The following COLEC12 variants were observed in gnomAD, a reference collection of about 807,000 sequenced individuals.
COLEC12 encodes the protein collectin subfamily member 12.
Under a neutral mutation model 71.1 loss-of-function variants are expected in COLEC12, and 33 were observed. The ratio of observed to expected loss-of-function variants is 0.46; its 90% confidence interval spans 0.35 to 0.62. The LOEUF is 0.62. COLEC12 is among the 20% of genes least tolerant of loss of function. COLEC12 has a pLI of 0.00. For missense variants in COLEC12, 765 were observed against 916.1 expected (o/e 0.84, Z 2.13); for synonymous variants, 350 against 353.0 (o/e 0.99, Z 0.10).
chr18:392,091 T>C (rs1915473909), intron 2 of COLEC12, among the ~76,000 whole-genome samples: 1 of 152,208 alleles, frequency 6.6e-6, no homozygotes, highest in Admixed American at 6.5e-5. Context: ...GGAACCAGAC[T>C]GTGCCTGTCT....
rs371424845 is a variant in COLEC12, at chr18:441,065, A to G, written c.58+39642T>C. On this transcript the variant is annotated intron_variant, in intron 2 of 9. Coordinates refer to ENST00000400256, the MANE Select transcript of COLEC12 (RefSeq NM_130386.3). ...AGATGGAGACCATCCTGGCTAACAC[A>G]GTGAAACCCTGTCTCTACTAAAAAT... Among the ~76,000 whole-genome samples the G allele has an allele frequency of 8.6e-3, 1,253 of 145,380 alleles. 6 individuals carry two copies. Among genetic ancestry groups the G allele is most frequent in the Middle Eastern group, 0.014 (4 of 294 alleles).
chr18:352,618 G>A (rs1914549314), intron 3 of COLEC12, among the ~76,000 whole-genome samples: 1 of 152,194 alleles, frequency 6.6e-6, no homozygotes, highest in Admixed American at 6.5e-5. Context: ...GGGGGTGTGT[G>A]TCTTTGTTTA....
chr18:335,941 C>A (rs1914110166), intron 5 of COLEC12, among the ~76,000 whole-genome samples: 1 of 152,222 alleles, frequency 6.6e-6, no homozygotes, highest in African/African-American at 2.4e-5. Context: ...TTCTCTTAGT[C>A]ACCTGGGCCT....
intron 2 of COLEC12, among the ~76,000 whole-genome samples, chr18:424,615 C>T (rs1916162232): frequency 6.6e-6 from 1 of 152,194 alleles, no homozygotes; most frequent in African/African-American, 2.4e-5. Context: ...TGGTGAATAG[C>T]TCACCAGAGC....
chr18:347,475 T>A, intron 4 of COLEC12, 134 bp from the exon 5 acceptor site: 2 of 684,604 alleles, frequency 2.9e-6, no homozygotes, highest in South Asian at 3.9e-5. Flanking sequence ...CGGACAGCTC[T>A]GCATTAGTAA....
At chr18:431,705 A>G (rs1329489210) in intron 2 of COLEC12, among the ~76,000 whole-genome samples, 1 of 152,226 alleles carries the variant, frequency 6.6e-6, no homozygotes, top group Non-Finnish European at 1.5e-5. Flanking sequence ...AAACTGGGCC[A>G]GTGCCTAGGA....
intron 2 of COLEC12, among the ~76,000 whole-genome samples, chr18:379,634 A>G (rs1004820928): frequency 6.6e-6 from 1 of 152,124 alleles, no homozygotes; most frequent in Non-Finnish European, 1.5e-5. Flanking sequence ...AACTGTTTCT[A>G]TTGTTCCACT....
At chr18:356,530 C>A (rs1211319517) in intron 3 of COLEC12, among the ~76,000 whole-genome samples, 1 of 152,200 alleles carries the variant, frequency 6.6e-6, no homozygotes, top group African/African-American at 2.4e-5. Flanking sequence ...AGGGAATTCA[C>A]TTGGAGTCTT....
At chr18:428,609 T>C (rs965923985) in intron 2 of COLEC12, among the ~76,000 whole-genome samples, 3 of 152,200 alleles carry the variant, frequency 2.0e-5, no homozygotes, top group Admixed American at 6.5e-5. Flanking sequence ...GAGTTCATCA[T>C]AAAAGAATTA....
Position 343,845 on chromosome 18 carries a change from G to C in COLEC12, c.1327+2450C>G, listed in dbSNP as rs185243553. 6.6e-5 allele frequency among the ~76,000 whole-genome samples: 10 copies of C among 152,322 alleles called. No individual in the cohort carries two copies. The East Asian group carries it at 7.7e-4, about 12-fold the overall frequency. On this transcript the variant is annotated intron_variant, in intron 5 of 9. Coordinates refer to ENST00000400256, the MANE Select transcript of COLEC12 (RefSeq NM_130386.3). ...ACATTGTAAGTAGCTGCTTCATAGAGCTGCTGTCAGGATTCATTGGGACGT... is the reference window on the plus strand; with the variant it reads ...ACATTGTAAGTAGCTGCTTCATAGACCTGCTGTCAGGATTCATTGGGACGT...
In COLEC12 at chr18:346,938, A is replaced by G; in HGVS notation, c.684T>C (p.Asp228=). 1 of 1,614,148 alleles carries G rather than the reference A, an allele frequency of 6.2e-7. No individual in the cohort carries two copies. The highest frequency in any genetic ancestry group is 8.5e-7 in the Non-Finnish European group (1 of 1,180,006). Reference sequence around the variant, plus strand: ...TTCGCTGGATAGCCTGGCTTGTGTCATCCACAGACCGCTGCAGATTCGTGA... The same window carrying G: ...TTCGCTGGATAGCCTGGCTTGTGTCGTCCACAGACCGCTGCAGATTCGTGA... The part of the protein sequence containing the change: ...NLITNLQRSV[D]DTSQAIQRIK... The change falls in exon 5 of 10, where the codon GAT becomes GAC. Residue 228 remains aspartate (D), a synonymous_variant. Coordinates refer to ENST00000400256, the MANE Select transcript of COLEC12 (RefSeq NM_130386.3). This position sits in a 1 kb window ranked among gnomAD's most constrained non-coding sequence, Gnocchi z 4.0.
At chr18:452,844 T>G (rs16944732) in intron 2 of COLEC12, among the ~76,000 whole-genome samples, 17,473 of 152,254 alleles carry the variant, frequency 0.11, 1,374 homozygotes, top group East Asian at 0.37. Flanking sequence ...CCACAGGTGC[T>G]TCCAAGTGGA....
chr18:451,853 C>T (rs746750017), intron 2 of COLEC12, among the ~76,000 whole-genome samples: 10 of 152,148 alleles, frequency 6.6e-5, no homozygotes, highest in Non-Finnish European at 1.5e-4. Context: ...AAAGAAAAGA[C>T]CATTTCCAGG....
intron 2 of COLEC12, among the ~76,000 whole-genome samples, chr18:389,254 ATTT>A (rs35325003): frequency 4.2e-5 from 6 of 141,830 alleles, no homozygotes; most frequent in East Asian, 2.1e-4. Context: ...CTGTGCAGCA[ATTT>A]TTTTTTTTTT....
In COLEC12 at chr18:351,577, T is replaced by A. The variant is rs7505667; in HGVS notation, c.182-3414A>T. 5.5e-3 allele frequency among the ~76,000 whole-genome samples: 845 copies of A among 152,302 alleles called. 4 individuals are homozygous for A. Among genetic ancestry groups the A allele is most frequent in the African/African-American group, 0.019 (810 of 41,570 alleles). ...TTTATTATGTCATTTATTTATTTAA[T>A]TTTTTATTAGACGGAGTTTCACTCT... On this transcript the variant is annotated intron_variant, in intron 3 of 9. Transcript: ENST00000400256.
intron 4 of COLEC12, 100 bp from the exon 5 acceptor site, chr18:347,441 T>G (rs1162525626): frequency 1.0e-6 from 1 of 979,792 alleles, no homozygotes; most frequent in Non-Finnish European, 1.5e-6. Context: ...CACTGTATTT[T>G]AGATGCAAAA....
chr18:409,172 C>T (rs1391842381), intron 2 of COLEC12, among the ~76,000 whole-genome samples: 2 of 152,146 alleles, frequency 1.3e-5, no homozygotes, highest in South Asian at 2.1e-4. Flanking sequence ...TCCTCTTAAA[C>T]AGAACCAATG....
chr18:462,330 C>G (rs1412009562), intron 2 of COLEC12, among the ~76,000 whole-genome samples: 1 of 152,146 alleles, frequency 6.6e-6, no homozygotes, highest in Non-Finnish European at 1.5e-5. Flanking sequence ...GTCCATGTCA[C>G]GGAATATTAT....
intron 2 of COLEC12, among the ~76,000 whole-genome samples, chr18:369,385 C>CTTTTTTTTTTTTTTTTTTTTTTTTTTTTT (rs55923005): frequency 7.3e-6 from 1 of 136,198 alleles, no homozygotes; most frequent in African/African-American, 2.7e-5. Context: ...TGATACAGAT[C>CTTTTTTTTTTTTTTTTTTTTTTTTTTTTT]TTTTTTTTTT....
Sources: allele counts gnomAD v4.1 joint callset (sites outside exome capture counted in the v4.1 genomes callset), GRCh38; gene constraint gnomAD v4.1.1; non-coding constraint Gnocchi (gnomAD v3.1); transcripts MANE v1.5; gene names NCBI Gene and HGNC (gene_info 2026-07-23, HGNC 2026-07-21).